The following SMARCAD1 variants were observed in gnomAD, a reference collection of about 807,000 sequenced individuals.
SMARCAD1 encodes the protein SNF2 related chromatin remodeling ATPase with DExD box 1.
SMARCAD1 carries 25 observed loss-of-function variants against 127.1 expected under a neutral mutation model. That is an observed-to-expected ratio of 0.20 (90% confidence interval 0.14 to 0.27). The LOEUF is 0.27. Ranked by LOEUF, SMARCAD1 falls within the 10% of genes least tolerant of loss-of-function variation. SMARCAD1 has a pLI of 1.00. For synonymous variants in SMARCAD1, 400 were observed against 396.9 expected (o/e 1.01, Z -0.09); for missense variants, 807 against 1,206.0 (o/e 0.67, Z 4.90).
chr4:94,232,485 G>C (rs1560524113), intron 3 of SMARCAD1, among the ~76,000 whole-genome samples: 4 of 152,198 alleles, frequency 2.6e-5, no homozygotes, highest in Non-Finnish European at 2.9e-5. Flanking sequence ...AAAATTCAAA[G>C]TTGAGTACAT....
rs1746712082 is a variant in SMARCAD1, at chr4:94,236,704, GT to G, written c.538-247del. Among the ~76,000 whole-genome samples, 4 of 152,178 alleles carry G rather than the reference GT, an allele frequency of 2.6e-5. No individual in the cohort carries two copies. The South Asian group carries it at 8.3e-4, about 32-fold the overall frequency. On this transcript the variant is annotated intron_variant, in intron 4 of 23. Transcript: ENST00000354268. Reference sequence around the variant, plus strand: ...TAGAAAATACTGTATATATGTGATTGTGTTTTAATTTTTCCTTTATAGTAAG... The same window carrying G: ...TAGAAAATACTGTATATATGTGATTGGTTTTAATTTTTCCTTTATAGTAAG...
At chr4:94,218,946 G>A (rs1743644491) in intron 2 of SMARCAD1, among the ~76,000 whole-genome samples, 1 of 151,968 alleles carries the variant, frequency 6.6e-6, no homozygotes, top group Non-Finnish European at 1.5e-5. Context: ...CAAGTAGCTG[G>A]GATTACAGAT....
intron 3 of SMARCAD1, among the ~76,000 whole-genome samples, chr4:94,230,289 T>G (rs2125847495): frequency 6.6e-6 from 1 of 152,222 alleles, no homozygotes. Context: ...GTGTATTTTT[T>G]TTTTTGTTTC....
At chr4:94,282,936 C>T (rs1381477146) in intron 21 of SMARCAD1, among the ~76,000 whole-genome samples, 185 bp from the exon 22 acceptor site, 2 of 151,962 alleles carry the variant, frequency 1.3e-5, no homozygotes, top group South Asian at 2.1e-4. Context: ...GTAGCAATAT[C>T]GTAGAAAAGA....
chr4:94,230,283 ATTTT>A (rs796727040), intron 3 of SMARCAD1, among the ~76,000 whole-genome samples: 1 of 144,900 alleles, frequency 6.9e-6, no homozygotes, highest in East Asian at 2.0e-4. Flanking sequence ...ACTTTCGTGT[ATTTT>A]TTTTTTTGTT....
chr4:94,226,402 C>CTTT (rs34491534), intron 3 of SMARCAD1, 106 bp downstream of exon 3: 192 of 465,554 alleles, frequency 4.1e-4, no homozygotes, highest in Non-Finnish European at 5.0e-4. Context: ...TTTTTTTTTT[C>CTTT]TTTTTTTTTT....
chr4:94,283,694 G>A (rs1421644006), intron 22 of SMARCAD1, among the ~76,000 whole-genome samples: 7 of 151,238 alleles, frequency 4.6e-5, no homozygotes, highest in South Asian at 2.1e-4. Flanking sequence ...GCATGGTGGC[G>A]GGTGCCTGTA....
At chr4:94,222,782 G>A (rs148840372) in intron 2 of SMARCAD1, among the ~76,000 whole-genome samples, 4,276 of 151,984 alleles carry the variant, frequency 0.028, 183 homozygotes, top group African/African-American at 0.098. Context: ...GGCAAACATG[G>A]TGAAACCCAG....
intron 11 of SMARCAD1, 30 bp from the exon 12 acceptor site, chr4:94,273,587 A>G: frequency 1.3e-6 from 2 of 1,484,166 alleles, no homozygotes; most frequent in South Asian, 1.2e-5. Flanking sequence ...TTGTTTTAAA[A>G]TGTTATATAT....
chr4:94,282,557 A>T (rs1754261318), intron 21 of SMARCAD1, among the ~76,000 whole-genome samples: 2 of 152,152 alleles, frequency 1.3e-5, no homozygotes, highest in Admixed American at 6.5e-5. Flanking sequence ...GGTTGTAAAG[A>T]TTGAGCTTAG....
At position 94,274,902 on chromosome 4, in the gene SMARCAD1, A is replaced by G; in HGVS notation, c.1745A>G (p.Glu582Gly). ...TTTTAAATTCTAGGTTCTCAAGAAG[A>G]ACGTAAACAAATTAGATTTAACATT... ...KVLCYYGSQE[E>G]RKQIRFNIHS... Residue 582 changes from glutamate to glycine, a missense_variant, in exon 14 of 24, where the codon GAA (glutamate) becomes GGA (glycine). By Grantham distance (98) the Glu-to-Gly change is moderately conservative. This residue lies in a region of SMARCAD1 where 148 missense variants were observed against 313.2 expected (regional missense o/e 0.47). Transcript: ENST00000354268. 6.2e-7 allele frequency: 1 copy of G among 1,603,262 alleles called. No homozygotes were observed. The highest frequency in any genetic ancestry group is 8.5e-7 in the Non-Finnish European group (1 of 1,170,530).
Position 94,279,039 on chromosome 4 carries a change from C to T in SMARCAD1, c.2407C>T (p.Leu803Phe), listed in dbSNP as rs749356198. The change falls in exon 19 of 24, where the codon CTT becomes TTT. Residue 803 changes from leucine (L) to phenylalanine (F), a missense_variant. Physicochemically the swap from Leu to Phe is conservative, Grantham distance 22. Coordinates refer to ENST00000354268, the MANE Select transcript of SMARCAD1 (RefSeq NM_020159.5). ...TAEKLKEMSQ[L>F]MLKEPTHCEA... Reference sequence around the variant, plus strand: ...TGAAAAACTCAAGGAAATGTCTCAGCTTATGCTAAAGGTAAGGATTTCATA... The same window carrying T: ...TGAAAAACTCAAGGAAATGTCTCAGTTTATGCTAAAGGTAAGGATTTCATA... The T allele has an allele frequency of 2.5e-6, 4 of 1,614,060 alleles. No individual in the cohort carries two copies. Among genetic ancestry groups the T allele is most frequent in the Non-Finnish European group, 8.5e-7 (1 of 1,180,002 alleles).
intron 21 of SMARCAD1, among the ~76,000 whole-genome samples, chr4:94,282,591 G>C (rs1445798095): frequency 6.6e-6 from 1 of 151,940 alleles, no homozygotes; most frequent in Non-Finnish European, 1.5e-5. Context: ...GTCTTAATAA[G>C]GACGGAATTG....
chr4:94,267,057 A>G (rs1304106929), intron 10 of SMARCAD1, among the ~76,000 whole-genome samples: 1 of 140,284 alleles, frequency 7.1e-6, no homozygotes, highest in African/African-American at 2.5e-5. Flanking sequence ...GCTTTAGTTA[A>G]TTAATCTATA....
intron 23 of SMARCAD1, 23 bp from the exon 24 acceptor site, chr4:94,289,450 T>G (rs751022535): frequency 6.3e-7 from 1 of 1,599,366 alleles, no homozygotes; most frequent in African/African-American, 1.3e-5. Context: ...ATAAAGCTTT[T>G]AATGCTACTT....
chr4:94,275,043 G>T (rs1271496718), intron 14 of SMARCAD1, 78 bp downstream of exon 14: 5 of 1,005,420 alleles, frequency 5.0e-6, no homozygotes, highest in Non-Finnish European at 6.3e-6. Context: ...GTAGTACTAT[G>T]TAGGAAAGTT....
At chr4:94,283,343 C>T (rs978403959) in intron 22 of SMARCAD1, 40 bp downstream of exon 22, 4 of 1,581,494 alleles carry the variant, frequency 2.5e-6, no homozygotes, top group Non-Finnish European at 3.5e-6. Context: ...AATTCAGTGC[C>T]ACTTTAATTT....
At chr4:94,232,896 C>T (rs188689069) in intron 3 of SMARCAD1, among the ~76,000 whole-genome samples, 4 of 152,234 alleles carry the variant, frequency 2.6e-5, no homozygotes, top group Admixed American at 2.0e-4. Context: ...GGGAGGATTG[C>T]TAGAGCCTGT....
rs749947951 is a variant in SMARCAD1 at position 94,290,934 on chromosome 4, TAGATA to T, written c.*1401_*1405del. 5.3e-5 allele frequency: 24 copies of T among 453,736 alleles called. No individual in the cohort carries two copies. The highest frequency in any genetic ancestry group is 4.8e-4 in the African/African-American group (24 of 49,990). 28.1% of individuals were successfully genotyped at this position (453,736 alleles called of 1,614,324 possible). ...AAATAAAACTCTTACAGTGATTATT[TAGATA>T]TTAAAGACTGAGAACTCACGGCTTA... On this transcript the variant is annotated 3_prime_UTR_variant, in exon 24 of 24. Coordinates refer to ENST00000354268, the MANE Select transcript of SMARCAD1 (RefSeq NM_020159.5).
Sources: gnomAD v4.1 joint callset for allele counts (sites outside exome capture counted in the v4.1 genomes callset) on GRCh38, gnomAD v4.1.1 for gene constraint, gnomAD v4.1.1 regional missense constraint, MANE v1.5 for transcripts, NCBI Gene and HGNC (gene_info 2026-07-23, HGNC 2026-07-21) for gene names.